NRXN3: variants seen among roughly 807,000 people sequenced by gnomAD.
The protein encoded by NRXN3 is neurexin III.
Under a neutral mutation model 137.6 loss-of-function variants are expected in NRXN3, and 32 were observed. That is an observed-to-expected ratio of 0.23 (90% CI 0.18 to 0.31). The LOEUF is 0.31. Among genes scored for constraint, NRXN3 ranks in the 10% least tolerant of loss-of-function variants. The pLI is 1.00. For synonymous variants in NRXN3, 798 were observed against 784.5 expected, an observed-to-expected ratio of 1.02 and a Z score of -0.29; for missense variants, 1,574 against 2,062.5, an observed-to-expected ratio of 0.76 and a Z score of 4.59.
intron 10 of NRXN3, among the ~76,000 whole-genome samples, chr14:78,896,361 C>T (rs962291362): frequency 4.0e-5 from 6 of 151,820 alleles, no homozygotes; most frequent in African/African-American, 1.4e-4. Flanking sequence ...CTTATCTCTT[C>T]CATCTTGTAA....
chr14:79,094,879 G>A (rs896822088), intron 15 of NRXN3, among the ~76,000 whole-genome samples: 3 of 150,998 alleles, frequency 2.0e-5, no homozygotes, highest in Admixed American at 2.0e-4. Context: ...TGACAATATC[G>A]ATGATTAAAA....
chr14:79,615,971 T>C (rs956440807), intron 16 of NRXN3, among the ~76,000 whole-genome samples: 1 of 152,056 alleles, frequency 6.6e-6, no homozygotes, highest in Non-Finnish European at 1.5e-5. Flanking sequence ...AACTCACAGC[T>C]AGTAAGTAAG....
chr14:78,737,900 A>G (rs538657630), intron 8 of NRXN3, among the ~76,000 whole-genome samples: 1 of 152,126 alleles, frequency 6.6e-6, no homozygotes, highest in Admixed American at 6.5e-5. Flanking sequence ...TGCTATCTCC[A>G]GCAGTCCCTG....
chr14:78,489,403 A>T (rs1428884069), intron 4 of NRXN3, among the ~76,000 whole-genome samples: 1 of 152,128 alleles, frequency 6.6e-6, no homozygotes. Flanking sequence ...ACAGGGACAG[A>T]CTGGCTAATG....
intron 10 of NRXN3, among the ~76,000 whole-genome samples, chr14:78,827,793 G>A (rs935649073): frequency 1.3e-5 from 2 of 152,208 alleles, no homozygotes; most frequent in Admixed American, 6.5e-5. Flanking sequence ...AACAGTGTCC[G>A]AGGAAAATGA....
At chr14:79,373,580 G>A (rs1199992079) in intron 15 of NRXN3, among the ~76,000 whole-genome samples, 1 of 152,040 alleles carries the variant, frequency 6.6e-6, no homozygotes, top group Non-Finnish European at 1.5e-5. Flanking sequence ...TCTGGATTTT[G>A]CACAATTCTT....
intron 16 of NRXN3, among the ~76,000 whole-genome samples, chr14:79,537,490 C>A (rs1409376697): frequency 6.6e-6 from 1 of 151,934 alleles, no homozygotes; most frequent in Non-Finnish European, 1.5e-5. Flanking sequence ...CCTTCCTGTG[C>A]CCATGTGTTC....
intron 11 of NRXN3, among the ~76,000 whole-genome samples, chr14:78,962,075 C>T (rs983397762): frequency 2.3e-4 from 35 of 152,206 alleles, no homozygotes; most frequent in Non-Finnish European, 2.9e-5. Context: ...ATTCTACCTA[C>T]TGCTTTTCTT....
intron 8 of NRXN3, among the ~76,000 whole-genome samples, chr14:78,738,837 G>A (rs2098552183): frequency 6.6e-6 from 1 of 152,180 alleles, no homozygotes; most frequent in African/African-American, 2.4e-5. Flanking sequence ...AAATAAGAAG[G>A]CAGATGGAAG....
intron 18 of NRXN3, among the ~76,000 whole-genome samples, chr14:79,694,556 T>G (rs2098728039): frequency 6.6e-6 from 1 of 151,946 alleles, no homozygotes; most frequent in Non-Finnish European, 1.5e-5. Context: ...CATATAATGG[T>G]CAGTTATTAT....
At chr14:79,631,112 A>G (rs1778599982) in intron 16 of NRXN3, among the ~76,000 whole-genome samples, 1 of 152,228 alleles carries the variant, frequency 6.6e-6, no homozygotes, top group Non-Finnish European at 1.5e-5. Context: ...CCAAGTGCCT[A>G]CTATGTTTCA....
chr14:79,483,083 A>C (rs1460113248), intron 16 of NRXN3, among the ~76,000 whole-genome samples: 6 of 152,190 alleles, frequency 3.9e-5, no homozygotes, highest in Non-Finnish European at 7.3e-5. Context: ...CTAGGGGAAA[A>C]CTATAGAAGT....
chr14:78,846,700 T>C (rs985494006), intron 10 of NRXN3, among the ~76,000 whole-genome samples: 1 of 152,034 alleles, frequency 6.6e-6, no homozygotes, highest in African/African-American at 2.4e-5. Flanking sequence ...GTCCCTTGAA[T>C]ATGCTGCAAT....
intron 1 of NRXN3, among the ~76,000 whole-genome samples, chr14:78,187,921 T>A (rs967269730): frequency 6.6e-6 from 1 of 151,524 alleles, no homozygotes; most frequent in Non-Finnish European, 1.5e-5. Context: ...CTATGTAGAG[T>A]TGGGAAATTT....
intron 15 of NRXN3, among the ~76,000 whole-genome samples, chr14:79,227,252 A>G (rs1422198952): frequency 6.6e-6 from 1 of 152,170 alleles, no homozygotes; most frequent in Admixed American, 6.6e-5. Context: ...CAGACCACTG[A>G]TTCTGATGCT....
At chr14:79,324,837 T>C (rs2090607920) in intron 15 of NRXN3, among the ~76,000 whole-genome samples, 1 of 152,226 alleles carries the variant, frequency 6.6e-6, no homozygotes, top group African/African-American at 2.4e-5. Flanking sequence ...TGTGTATATA[T>C]GTATATATAT....
chr14:78,664,224 A>T (rs1323290439), intron 6 of NRXN3, among the ~76,000 whole-genome samples: 1 of 152,148 alleles, frequency 6.6e-6, no homozygotes, highest in Non-Finnish European at 1.5e-5. Flanking sequence ...GGAAAATAGA[A>T]ATTGTTCAGG....
intron 4 of NRXN3, among the ~76,000 whole-genome samples, chr14:78,312,229 C>T (rs993354657): frequency 6.6e-6 from 1 of 152,196 alleles, no homozygotes; most frequent in African/African-American, 2.4e-5. Context: ...TGCCTGGGAA[C>T]TGATACAACT....
At chr14:79,192,352 A>C (rs1426650016) in intron 15 of NRXN3, among the ~76,000 whole-genome samples, 1 of 152,212 alleles carries the variant, frequency 6.6e-6, no homozygotes, top group African/African-American at 2.4e-5. Flanking sequence ...GTAAATATTC[A>C]ACCTATAGTC....
Sources: allele counts gnomAD v4.1 joint callset (sites outside exome capture counted in the v4.1 genomes callset), GRCh38; gene constraint gnomAD v4.1.1; transcripts MANE v1.5; gene names NCBI Gene and HGNC (gene_info 2026-07-23, HGNC 2026-07-21).